ULK1: variants seen among roughly 807,000 people sequenced by gnomAD.
ULK1 encodes the protein serine/threonine-protein kinase ULK1.
In ULK1, 48 loss-of-function variants were observed where a neutral mutation model predicts 117.5. That is an observed-to-expected ratio of 0.41 (90% CI 0.32 to 0.52). The LOEUF is 0.52. Among genes scored for constraint, ULK1 ranks in the 20% least tolerant of loss-of-function variants. ULK1 has a pLI of 0.29. For synonymous variants in ULK1, 790 were observed against 637.8 expected, an observed-to-expected ratio of 1.24 and a Z score of -3.60; for missense variants, 1,387 against 1,473.4, an observed-to-expected ratio of 0.94 and a Z score of 0.96.
At chr12:131,913,323 T>C in intron 14 of ULK1, 65 bp downstream of exon 14, 1 of 1,445,078 alleles carries the variant, frequency 6.9e-7, no homozygotes, top group Non-Finnish European at 9.2e-7. Flanking sequence ...AAGTGGCCCG[T>C]GTTATTTACA....
Position 131,920,154 on chromosome 12 carries a change from A to G in ULK1, c.2961+18A>G, listed in dbSNP as rs1566130875. ...TGCAGATGGTACGGGACAGACAGAC[A>G]CCAGTGGGGCAGGGGCCAGGAACTT... On this transcript the variant is annotated intron_variant, in intron 26 of 27. Coordinates refer to ENST00000321867, the MANE Select transcript of ULK1 (RefSeq NM_003565.4). The G allele has an allele frequency of 1.2e-6, 2 of 1,605,734 alleles. No homozygotes were observed. The highest frequency in any genetic ancestry group is 8.5e-7 in the Non-Finnish European group (1 of 1,174,192).
At position 131,916,056 on chromosome 12, in the gene ULK1, C is replaced by T. The variant is rs200671244; in HGVS notation, c.1775C>T (p.Pro592Leu). 464 of 1,612,500 alleles carry T rather than the reference C, an allele frequency of 2.9e-4. 3 individuals are homozygous for T. In the South Asian group the frequency reaches 3.0e-3, roughly 10 times the overall value. The change falls in exon 19 of 28, where the codon CCG becomes CTG. Residue 592 changes from proline to leucine, a missense_variant. Physicochemically the swap from Pro to Leu is moderately conservative, Grantham distance 98. Coordinates refer to ENST00000321867, the MANE Select transcript of ULK1 (RefSeq NM_003565.4). ...FSPPQASPPQ[P>L]SHGLQSCRNL... ...CCACCACAGGCCAGCCCTCCCCAGC[C>T]GTCCCACGGCCTGCAGTCCTGCCGG...
In ULK1 at chr12:131,918,985, C is replaced by A. The variant is rs866567135; in HGVS notation, c.2512-227C>A. 0.013 allele frequency among the ~76,000 whole-genome samples: 320 copies of A among 25,034 alleles called. 18 individuals are homozygous for A. In the South Asian group the frequency reaches 0.18, roughly 14 times the overall value. The allele number at this position is 25,034 out of a possible 152,430, so 16.4% of individuals were successfully genotyped here. A position where few individuals can be genotyped will look rare whatever the true frequency, so the allele number is the denominator to read the frequency against. ...GTGGGGTGCAGGGTGTGTGGGGTGT[C>A]GGGTGTGTGGGGTGCAGGGTGTGTG... On this transcript the variant is annotated intron_variant, in intron 23 of 27. Coordinates refer to ENST00000321867, the MANE Select transcript of ULK1 (RefSeq NM_003565.4).
In ULK1 at chr12:131,902,717, G is replaced by C. The variant is rs1434471723; in HGVS notation, c.247-4175G>C. On this transcript the variant is annotated intron_variant, in intron 3 of 27. Coordinates refer to ENST00000321867, the MANE Select transcript of ULK1 (RefSeq NM_003565.4). This position sits in a 1 kb window ranked among gnomAD's most constrained non-coding sequence, Gnocchi z 6.3. ...TGGGGGTGATGGTGCAGGGAGCCTG[G>C]TGTGTTTGATTAGGGCATGGGCGGT... Among the ~76,000 whole-genome samples the C allele has an allele frequency of 1.3e-5, 2 of 152,156 alleles. No individual in the cohort carries two copies. Among genetic ancestry groups the C allele is most frequent in the Non-Finnish European group, 2.9e-5 (2 of 68,026 alleles).
chr12:131,920,341 C>T, intron 26 of ULK1: 1 of 629,092 alleles, frequency 1.6e-6, no homozygotes, highest in Non-Finnish European at 2.7e-6. Context: ...TGTACGGGTG[C>T]CGTGGCCCAT....
At chr12:131,896,096 A>G (rs1888855963) in intron 3 of ULK1, among the ~76,000 whole-genome samples, 1 of 152,190 alleles carries the variant, frequency 6.6e-6, no homozygotes, top group Non-Finnish European at 1.5e-5. Flanking sequence ...GCCGGGCGTC[A>G]GTCCTAGGGG....
chr12:131,907,868 C>T (rs1203372846), intron 5 of ULK1, among the ~76,000 whole-genome samples: 1 of 149,738 alleles, frequency 6.7e-6, no homozygotes, highest in Non-Finnish European at 1.5e-5. Flanking sequence ...AAGTTGAGCC[C>T]TGTGGCGGAT....
chr12:131,914,432 G>T lies in ULK1; in HGVS notation c.1328G>T (p.Arg443Leu), dbSNP rs767654288. ...PVPTQVQNYQ[R>L]IERNLQSPTQ... ...CCCACGCAGGTGCAGAACTACCAGC[G>T]CATTGAGCGAAACCTGCAGTCACCC... The change falls in exon 16 of 28, where the codon CGC becomes CTC. Residue 443 changes from arginine to leucine, a missense_variant. Transcript: ENST00000321867. The T allele has an allele frequency of 1.9e-6, 3 of 1,612,752 alleles. No homozygotes were observed. Among genetic ancestry groups the T allele is most frequent in the South Asian group, 2.2e-5 (2 of 91,086 alleles).
intron 26 of ULK1, 53 bp downstream of exon 26, chr12:131,920,189 C>T (rs974043327): frequency 4.2e-5 from 66 of 1,586,786 alleles, no homozygotes; most frequent in Middle Eastern, 1.7e-4. Flanking sequence ...TCCAGGCCCG[C>T]CGTCTCCACT....
At chr12:131,914,534 C>A in intron 16 of ULK1, 57 bp downstream of exon 16, 1 of 1,570,374 alleles carries the variant, frequency 6.4e-7, no homozygotes. Context: ...TGGCAGGAGC[C>A]CTTCCACGGC....
At chr12:131,911,621 G>T (rs1889540094) in intron 12 of ULK1, among the ~76,000 whole-genome samples, 1 of 152,190 alleles carries the variant, frequency 6.6e-6, no homozygotes. Flanking sequence ...AAAGTGAGGT[G>T]CAGAGGGCAG....
At chr12:131,896,278 A>AGGGCC (rs1226873184) in intron 3 of ULK1, among the ~76,000 whole-genome samples, 3 of 150,968 alleles carry the variant, frequency 2.0e-5, no homozygotes, top group Non-Finnish European at 2.9e-5. Flanking sequence ...GCTGGCAGTC[A>AGGGCC]GGGCCGGGCC....
Position 131,910,009 on chromosome 12 carries a change from C to G in ULK1, c.808+8C>G. 9 of 1,611,330 alleles carry G rather than the reference C, an allele frequency of 5.6e-6. No individual in the cohort carries two copies. The highest frequency in any genetic ancestry group is 7.6e-6 in the Non-Finnish European group (9 of 1,179,760). ...AGGACCGCATGGACTTCGGTGAGCA[C>G]CCACCAGGGGCGCAGCTGGAGTCCC... is the stretch of plus-strand genomic sequence containing the variant. On this transcript the variant is annotated splice_region_variant and intron_variant, in intron 10 of 27. Transcript: ENST00000321867.
At position 131,912,105 on chromosome 12, in the gene ULK1, G is replaced by A. The variant is rs567571778; in HGVS notation, c.1096+16G>A. On this transcript the variant is annotated intron_variant, in intron 13 of 27. Transcript: ENST00000321867. ...CAGTTTCCAGGTCAGGGGGCACGCT[G>A]GGCTTGGAGGTGACGCCTCAGGTGC... 3.7e-6 allele frequency: 6 copies of A among 1,606,616 alleles called. No homozygotes were observed. In the Admixed American group the frequency reaches 6.7e-5, roughly 18 times the overall value.
At position 131,922,196 on chromosome 12, in the gene ULK1, G is replaced by A. The variant is rs903309437; in HGVS notation, c.*835G>A. ...ATTTTTTCTTTAAAGGAGAAAACTT[G>A]TAGGTGTTTAAGAATTGGTTTTGGG... On this transcript the variant is annotated 3_prime_UTR_variant, in exon 28 of 28. Transcript: ENST00000321867. The A allele has an allele frequency of 2.8e-6, 1 of 363,486 alleles. No homozygotes were observed. The highest frequency in any genetic ancestry group is 3.5e-5 in the Admixed American group (1 of 28,458). The allele number at this position is 363,486 out of a possible 1,614,324, so 22.5% of individuals were successfully genotyped here. A position where few individuals can be genotyped will look rare whatever the true frequency, so the allele number is the denominator to read the frequency against.
In ULK1 at chr12:131,917,447, G is replaced by A. The variant is rs1475830319; in HGVS notation, c.2219G>A (p.Gly740Glu). 6.5e-7 allele frequency: 1 copy of A among 1,542,854 alleles called. No homozygotes were observed. The highest frequency in any genetic ancestry group is 1.2e-5 in the South Asian group (1 of 83,120). Residue 740 changes from glycine (G) to glutamate (E), a missense_variant, in exon 22 of 28, where the codon GGA becomes GAA. This residue lies in a region of ULK1 where 900 missense variants were observed against 858.9 expected (regional missense o/e 1.05). Coordinates refer to ENST00000321867, the MANE Select transcript of ULK1 (RefSeq NM_003565.4). ...GGCTTTGGAGGGAGCCTGCACCCAG[G>A]AGCCCGTGCTGGGGGCACCAGCAGC... The part of the protein sequence containing the change: ...SAGFGGSLHP[G>E]ARAGGTSSPS...
intron 25 of ULK1, 61 bp downstream of exon 25, chr12:131,919,651 G>A (rs1480339873): frequency 1.3e-5 from 20 of 1,569,296 alleles, no homozygotes; most frequent in Non-Finnish European, 1.6e-5. Flanking sequence ...CCTTGCAACT[G>A]CCTGGGTGAC....
At position 131,917,219 on chromosome 12, in the gene ULK1, C is replaced by CG. The variant is rs71076403; in HGVS notation, c.2182+158dup. Among the ~76,000 whole-genome samples, 119 of 5,374 alleles carry CG rather than the reference C, an allele frequency of 0.022. 29 individuals carry two copies. The East Asian group carries it at 0.31, about 14-fold the overall frequency. 3.5% of individuals were successfully genotyped at this position (5,374 alleles called of 152,430 possible). Reference sequence around the variant, plus strand: ...GGCTTGGAGGCTGTGGGATGGGGCTCGAGGCTGTGGGACGGGGGTCGGGTT... The same window carrying CG: ...GGCTTGGAGGCTGTGGGATGGGGCTCGGAGGCTGTGGGACGGGGGTCGGGTT... On this transcript the variant is annotated intron_variant, in intron 21 of 27. Transcript: ENST00000321867.
At chr12:131,917,362 G>T in intron 21 of ULK1, 49 bp from the exon 22 acceptor site, 2 of 1,391,766 alleles carry the variant, frequency 1.4e-6, no homozygotes, top group South Asian at 1.6e-5. Context: ...CTGTGGGATG[G>T]GGGTCGGCGG....
Sources: allele counts gnomAD v4.1 joint callset (sites outside exome capture counted in the v4.1 genomes callset), GRCh38; gene constraint gnomAD v4.1.1; regional missense constraint gnomAD v4.1.1; non-coding constraint Gnocchi (gnomAD v3.1); transcripts MANE v1.5; gene names NCBI Gene and HGNC (gene_info 2026-07-23, HGNC 2026-07-21).